The following MDGA2 variants were observed in gnomAD, a reference collection of about 807,000 sequenced individuals.
The protein encoded by MDGA2 is MAM domain containing glycosylphosphatidylinositol anchor 2.
A neutral mutation model predicts 117.8 loss-of-function variants in MDGA2; 40 were observed. The ratio of observed to expected loss-of-function variants is 0.34; its 90% CI spans 0.26 to 0.44. MDGA2 has a LOEUF of 0.44. Ranked by LOEUF, MDGA2 falls within the 20% of genes least tolerant of loss-of-function variation. The probability of loss-of-function intolerance (pLI) is 1.00; values close to 1 mark genes in which losing one functional copy is unlikely to be tolerated. For synonymous variants in MDGA2, 452 were observed against 439.0 expected, an observed-to-expected ratio of 1.03 and a Z score of -0.37; for missense variants, 1,123 against 1,250.6, an observed-to-expected ratio of 0.90 and a Z score of 1.54.
intron 4 of MDGA2, among the ~76,000 whole-genome samples, chr14:47,137,836 G>T (rs983109371): frequency 6.6e-6 from 1 of 152,118 alleles, no homozygotes; most frequent in East Asian, 1.9e-4. Context: ...TGTTCTGGGT[G>T]AGTTAAAATG....
chr14:46,853,621 T>TA (rs149867072), intron 15 of MDGA2, among the ~76,000 whole-genome samples: 3,760 of 146,826 alleles, frequency 0.026, 156 homozygotes, highest in African/African-American at 0.086. Flanking sequence ...TGAAAAGTTC[T>TA]AAAAAAAAAA....
At chr14:46,998,547 T>C (rs7149818) in intron 8 of MDGA2, among the ~76,000 whole-genome samples, 139,093 of 152,156 alleles carry the variant, frequency 0.91, 63,736 homozygotes, top group East Asian at 0.97. Flanking sequence ...CAGTATGAGA[T>C]CCAGAAGTTG....
At chr14:47,310,285 G>C (rs1889593259) in intron 1 of MDGA2, among the ~76,000 whole-genome samples, 1 of 152,012 alleles carries the variant, frequency 6.6e-6, no homozygotes, top group South Asian at 2.1e-4. Context: ...TTCAAATACA[G>C]CATTTGACAA....
intron 6 of MDGA2, among the ~76,000 whole-genome samples, chr14:47,083,014 C>G: frequency 6.6e-6 from 1 of 151,708 alleles, no homozygotes; most frequent in Admixed American, 6.6e-5. Context: ...GAACAATAAG[C>G]AATTTGTAGA....
At chr14:47,029,128 T>G (rs1449111703) in intron 8 of MDGA2, among the ~76,000 whole-genome samples, 1 of 152,172 alleles carries the variant, frequency 6.6e-6, no homozygotes, top group Non-Finnish European at 1.5e-5. Flanking sequence ...CACTTTCCAA[T>G]CTATCATTAA....
At chr14:46,988,441 A>G (rs1021292013) in intron 8 of MDGA2, among the ~76,000 whole-genome samples, 5 of 152,084 alleles carry the variant, frequency 3.3e-5, no homozygotes, top group African/African-American at 1.2e-4. Context: ...CCAGGGAAGC[A>G]AAGGTTAGAT....
intron 14 of MDGA2, among the ~76,000 whole-genome samples, chr14:46,869,119 A>G (rs914148198): frequency 6.6e-6 from 1 of 151,948 alleles, no homozygotes; most frequent in Admixed American, 6.6e-5. Context: ...CTGCTTCTTC[A>G]TTAATGAACT....
At chr14:47,434,234 T>A (rs1892854453) in intron 1 of MDGA2, among the ~76,000 whole-genome samples, 1 of 152,046 alleles carries the variant, frequency 6.6e-6, no homozygotes, top group Non-Finnish European at 1.5e-5. Context: ...TTGACAAAAA[T>A]TCAACTATTT....
chr14:47,290,485 C>T (rs1888844536), intron 2 of MDGA2, among the ~76,000 whole-genome samples: 1 of 152,064 alleles, frequency 6.6e-6, no homozygotes, highest in East Asian at 1.9e-4. Context: ...GCAGTCCAGA[C>T]AGACTTAGAA....
intron 1 of MDGA2, among the ~76,000 whole-genome samples, chr14:47,624,077 G>A (rs1201566008): frequency 6.6e-6 from 1 of 152,132 alleles, no homozygotes; most frequent in Non-Finnish European, 1.5e-5. Flanking sequence ...ACCCATATAA[G>A]TATTGTTTTA....
At chr14:47,592,204 T>A (rs10131310) in intron 1 of MDGA2, among the ~76,000 whole-genome samples, 152,238 of 152,238 alleles carry the variant, frequency 1, 76,119 homozygotes, top group Non-Finnish European at 1. Context: ...GAACCTCTTC[T>A]AGGAGAACTA....
intron 3 of MDGA2, among the ~76,000 whole-genome samples, chr14:47,146,927 T>G (rs1466283502): frequency 1.3e-5 from 2 of 152,150 alleles, no homozygotes; most frequent in Admixed American, 6.5e-5. Flanking sequence ...GGGTCATTGG[T>G]TTTCAAGATT....
chr14:46,874,241 A>G, intron 12 of MDGA2, 41 bp from the exon 13 acceptor site: 1 of 974,042 alleles, frequency 1.0e-6, no homozygotes, highest in Non-Finnish European at 1.4e-6. Flanking sequence ...AATTAAATTA[A>G]TACACATACT....
intron 2 of MDGA2, among the ~76,000 whole-genome samples, chr14:47,271,858 C>T (rs1225719458): frequency 6.6e-6 from 1 of 152,028 alleles, no homozygotes; most frequent in East Asian, 1.9e-4. Flanking sequence ...TGACCAAATT[C>T]CAGAAAAACT....
At chr14:46,919,198 C>T (rs949640732) in intron 10 of MDGA2, among the ~76,000 whole-genome samples, 1 of 152,132 alleles carries the variant, frequency 6.6e-6, no homozygotes, top group Non-Finnish European at 1.5e-5. Flanking sequence ...TCTCTACCAT[C>T]CCAATTCAAA....
At chr14:47,526,923 C>T (rs117406779) in intron 1 of MDGA2, among the ~76,000 whole-genome samples, 137 of 152,302 alleles carry the variant, frequency 9.0e-4, no homozygotes, top group Non-Finnish European at 1.6e-3. Context: ...TTGTTCCAAG[C>T]CCCATCTGCT....
chr14:46,932,207 G>T (rs866148217), intron 9 of MDGA2, among the ~76,000 whole-genome samples: 7 of 151,538 alleles, frequency 4.6e-5, no homozygotes, highest in Admixed American at 4.6e-4. Flanking sequence ...CATAAAGAAC[G>T]ATAGTAATTA....
chr14:47,559,256 G>C (rs1232862937), intron 1 of MDGA2, among the ~76,000 whole-genome samples: 1 of 152,088 alleles, frequency 6.6e-6, no homozygotes, highest in Non-Finnish European at 1.5e-5. Flanking sequence ...CTACCATCAA[G>C]TAGGTCCCAG....
chr14:46,933,703 T>C (rs1346093291), intron 9 of MDGA2, among the ~76,000 whole-genome samples: 3 of 150,206 alleles, frequency 2.0e-5, no homozygotes, highest in Non-Finnish European at 4.4e-5. Context: ...TCTTGAAACT[T>C]TAAAGAGGCA....
Sources: gnomAD v4.1 joint callset for allele counts (sites outside exome capture counted in the v4.1 genomes callset) on GRCh38, gnomAD v4.1.1 for gene constraint, MANE v1.5 for transcripts, NCBI Gene and HGNC (gene_info 2026-07-23, HGNC 2026-07-21) for gene names.